SYDE1: variants seen among roughly 807,000 people sequenced by gnomAD.
The protein encoded by SYDE1 is synapse defective Rho GTPase activating protein 1.
Under a neutral mutation model 63.3 loss-of-function variants are expected in SYDE1, and 34 were observed. The ratio of observed to expected loss-of-function variants is 0.54; its 90% CI spans 0.41 to 0.71. SYDE1 has a LOEUF of 0.71. Among genes scored for constraint, SYDE1 ranks in the 30% least tolerant of loss-of-function variants. The pLI, the probability that SYDE1 is intolerant of heterozygous loss-of-function variation, is 0.00. For missense variants in SYDE1, 925 were observed against 1,042.5 expected, an observed-to-expected ratio of 0.89 and a Z score of 1.55; for synonymous variants, 467 against 473.4, an observed-to-expected ratio of 0.99 and a Z score of 0.18.
chr19:15,107,529 G>GAGAT lies in SYDE1; in HGVS notation c.88+9_88+12dup. ...CGGACGCCAAGGAGCGCGGTAAGCG[G>GAGAT]AGATCGGTGGGGAACAGGGGGCGCC... is the stretch of plus-strand genomic sequence containing the variant. On this transcript the variant is annotated intron_variant, in intron 1 of 7. Coordinates refer to ENST00000342784, the MANE Select transcript of SYDE1 (RefSeq NM_033025.6). The GAGAT allele has an allele frequency of 6.5e-7, 1 of 1,538,302 alleles. No individual in the cohort carries two copies. The highest frequency in any genetic ancestry group is 8.8e-7 in the Non-Finnish European group (1 of 1,138,426).
In SYDE1 at chr19:15,114,641, A is replaced by T. The variant is rs2046373009; in HGVS notation, c.*678A>T. 3.4e-5 allele frequency: 1 copy of T among 29,776 alleles called. No homozygotes were observed. Among genetic ancestry groups the T allele is most frequent in the Non-Finnish European group, 9.2e-5 (1 of 10,822 alleles). The allele number at this position is 29,776 out of a possible 1,614,324, so 1.8% of individuals were successfully genotyped here. A position where few individuals can be genotyped will look rare whatever the true frequency, so the allele number is the denominator to read the frequency against. ...GCCCCCCCCTTGCCCCCCCCCCCGA[A>T]AAAAATTGAGCACTTAAACCCCTCC... On this transcript the variant is annotated 3_prime_UTR_variant, in exon 8 of 8. Transcript: ENST00000342784.
intron 7 of SYDE1, among the ~76,000 whole-genome samples, chr19:15,113,258 T>C (rs779763265): frequency 1.5e-4 from 23 of 152,152 alleles, no homozygotes; most frequent in Admixed American, 1.0e-3. Flanking sequence ...CAGGCTGGTC[T>C]TGAACTCCTG....
Position 15,112,572 on chromosome 19 carries a change from G to A in SYDE1, c.1804+1G>A. Reference sequence around the variant, plus strand: ...CACTACCTGCTGCAGTCTTGGCCAGGTGAGTTCATGCCCAGGGCCTGCACC... The same window carrying A: ...CACTACCTGCTGCAGTCTTGGCCAGATGAGTTCATGCCCAGGGCCTGCACC... On this transcript the variant is annotated splice_donor_variant, in intron 7 of 7. Coordinates refer to ENST00000342784, the MANE Select transcript of SYDE1 (RefSeq NM_033025.6). LOFTEE classifies it high-confidence loss of function. The A allele has an allele frequency of 1.3e-6, 2 of 1,564,430 alleles. No homozygotes were observed. Among genetic ancestry groups the A allele is most frequent in the Non-Finnish European group, 1.7e-6 (2 of 1,152,532 alleles).
At chr19:15,107,624 C>A in intron 1 of SYDE1, 103 bp downstream of exon 1, 1 of 688,696 alleles carries the variant, frequency 1.5e-6, no homozygotes, top group Non-Finnish European at 2.3e-6. Flanking sequence ...TCAGGGGGAG[C>A]CCCCCGCACC....
rs2046323968 is a variant in SYDE1, at chr19:15,109,093, G to C, written c.126G>C (p.Glu42Asp). ...PAQRPEPSPP[E>D]PEPQAPEGSQ... ...AGCGCCCAGAGCCCAGCCCTCCAGA[G>C]CCAGAGCCCCAGGCTCCCGAAGGGT... Residue 42 changes from glutamate (E) to aspartate (D), a missense_variant, in exon 2 of 8, where the codon GAG (glutamate) becomes GAC (aspartate). Physicochemically the swap from Glu to Asp is conservative, Grantham distance 45 (BLOSUM62 2). Transcript: ENST00000342784. The surrounding 1 kb of genome is among the most constrained non-coding windows in gnomAD (Gnocchi z 5.0). The C allele has an allele frequency of 1.3e-6, 2 of 1,532,934 alleles. No individual in the cohort carries two copies. Among genetic ancestry groups the C allele is most frequent in the Admixed American group, 4.2e-5 (2 of 47,806 alleles). The allele number at this position is 1,532,934 out of a possible 1,614,324, so 95.0% of individuals were successfully genotyped here. A position where few individuals can be genotyped will look rare whatever the true frequency, so the allele number is the denominator to read the frequency against.
In SYDE1 at chr19:15,107,502, G is replaced by T; in HGVS notation, c.69G>T (p.Lys23Asn). 1 of 1,546,208 alleles carries T rather than the reference G, an allele frequency of 6.5e-7. No homozygotes were observed. The highest frequency in any genetic ancestry group is 8.7e-7 in the Non-Finnish European group (1 of 1,143,492). Residue 23 changes from lysine to asparagine, a missense_variant, in exon 1 of 8, where the codon AAG becomes AAT. Lys to Asn is a moderately conservative substitution (Grantham distance 94, BLOSUM62 0). Transcript: ENST00000342784. ...LRGREKLPRK[K>N]SDAKERGHPA... ...GCCGGGAGAAACTTCCCCGGAAAAA[G>T]TCGGACGCCAAGGAGCGCGGTAAGC...
rs1199469110 is a variant in SYDE1, at chr19:15,109,024, G to A, written c.89-32G>A. The stretch of plus-strand genomic sequence containing the variant: ...GCTGCTCTGCAGGCAGTGAGGGGCT[G>A]GGTGGGTCTCACTCCCCTTGCTCTC... On this transcript the variant is annotated intron_variant, in intron 1 of 7. Coordinates refer to ENST00000342784, the MANE Select transcript of SYDE1 (RefSeq NM_033025.6). This position sits in a 1 kb window ranked among gnomAD's most constrained non-coding sequence, Gnocchi z 5.0. 19 of 1,453,942 alleles carry A rather than the reference G, an allele frequency of 1.3e-5. No homozygotes were observed. The highest frequency in any genetic ancestry group is 8.1e-6 in the Non-Finnish European group (9 of 1,109,256). The allele number at this position is 1,453,942 out of a possible 1,614,324, so 90.1% of individuals were successfully genotyped here. A position where few individuals can be genotyped will look rare whatever the true frequency, so the allele number is the denominator to read the frequency against.
rs1178127397 is a variant in SYDE1, at chr19:15,112,471, C to A, written c.1704C>A (p.Pro568=). The A allele has an allele frequency of 1.9e-6, 3 of 1,606,198 alleles. No individual in the cohort carries two copies. Among genetic ancestry groups the A allele is most frequent in the Non-Finnish European group, 2.5e-6 (3 of 1,176,840 alleles). The change falls in exon 7 of 8, where the codon CCC becomes CCA. Residue 568 remains proline, a synonymous_variant. Transcript: ENST00000342784. ...GPVLLPARQA[P]TRPRARSSGP... is the part of the protein sequence containing the mutation. ...TGCTGCTGCCGGCACGCCAGGCGCC[C>A]ACAAGGCCTCGTGCCCGCAGCTCCG...
In SYDE1 at chr19:15,109,775, A is replaced by T. The variant is rs1051327798; in HGVS notation, c.502A>T (p.Ile168Leu). Residue 168 changes from isoleucine to leucine, a missense_variant, in exon 3 of 8, where the codon ATA becomes TTA. By Grantham distance (5) the Ile-to-Leu change is conservative. Coordinates refer to ENST00000342784, the MANE Select transcript of SYDE1 (RefSeq NM_033025.6). This position sits in a 1 kb window ranked among gnomAD's most constrained non-coding sequence, Gnocchi z 5.0. ...CCCGGGCCCCGCCAGGCGCCTCTCC[A>T]TAAAGATGAAGAAGCTGCCGGAACT... ...KSPGPARRLSIKMKKLPELRR... is the reference protein window; with the variant it reads ...KSPGPARRLSLKMKKLPELRR... The T allele has an allele frequency of 4.5e-6, 7 of 1,539,962 alleles. No homozygotes were observed. Among genetic ancestry groups the T allele is most frequent in the Middle Eastern group, 1.8e-4 (1 of 5,456 alleles).
Position 15,109,903 on chromosome 19 carries a change from G to T in SYDE1, c.630G>T (p.Val210=), listed in dbSNP as rs1254820812. The change falls in exon 3 of 8, where the codon GTG becomes GTT. Residue 210 remains valine (V), a synonymous_variant. Transcript: ENST00000342784. The surrounding 1 kb of genome is among the most constrained non-coding windows in gnomAD (Gnocchi z 5.0). ...GCCGCTACCACCTGGACAGCAGCGT[G>T]GGGGGCCCCGGGCCGGCAGCAGGGC... ...VISRYHLDSS[V]GGPGPAAGPG... The T allele has an allele frequency of 6.8e-7, 1 of 1,474,306 alleles. No individual in the cohort carries two copies. Among genetic ancestry groups the T allele is most frequent in the South Asian group, 1.3e-5 (1 of 76,742 alleles). The allele number at this position is 1,474,306 out of a possible 1,614,324, so 91.3% of individuals were successfully genotyped here.
rs1452359181 is a variant in SYDE1 at position 15,109,845 on chromosome 19, G to C, written c.572G>C (p.Arg191Pro). The change falls in exon 3 of 8, where the codon CGC becomes CCC. Residue 191 changes from arginine to proline, a missense_variant. By Grantham distance (103) the Arg-to-Pro change is moderately radical. This residue lies in a region of SYDE1 where 599 missense variants were observed against 653.7 expected (regional missense o/e 0.92). Transcript: ENST00000342784. This position sits in a 1 kb window ranked among gnomAD's most constrained non-coding sequence, Gnocchi z 5.0. ...CGAGGCCCCCGGGCTGGCAGGGAGCGCGAGAGGGCTGCCCCTGCGGGCTCC... is the reference window on the plus strand; with the variant it reads ...CGAGGCCCCCGGGCTGGCAGGGAGCCCGAGAGGGCTGCCCCTGCGGGCTCC... Reference protein sequence around the residue: ...SLRGPRAGRERERAAPAGSVI... With the variant: ...SLRGPRAGREPERAAPAGSVI... 3 of 1,531,676 alleles carry C rather than the reference G, an allele frequency of 2.0e-6. No homozygotes were observed. Among genetic ancestry groups the C allele is most frequent in the Admixed American group, 2.0e-5 (1 of 50,792 alleles). 94.9% of individuals were successfully genotyped at this position (1,531,676 alleles called of 1,614,324 possible).
rs753400336 is a variant in SYDE1, at chr19:15,113,745, CCCTGTGGGCGGGATTTCCTGT to C, written c.1993_2013del (p.Cys665_Ser671del). 2 of 1,613,712 alleles carry C rather than the reference CCCTGTGGGCGGGATTTCCTGT, an allele frequency of 1.2e-6. No individual in the cohort carries two copies. The highest frequency in any genetic ancestry group is 3.3e-4 in the Middle Eastern group (2 of 6,084). On this transcript the variant is annotated inframe_deletion, in exon 8 of 8. Coordinates refer to ENST00000342784, the MANE Select transcript of SYDE1 (RefSeq NM_033025.6). ...GAGCGTTTGCGGGCGGGACTTCCTG[CCCTGTGGGCGGGATTTCCTGT>C]CCGGGCCAGACTACGACCACGTGAC... is the stretch of plus-strand genomic sequence containing the variant.
In SYDE1 at chr19:15,110,240, C is replaced by G; in HGVS notation, c.967C>G (p.Leu323Val). The G allele has an allele frequency of 7.1e-7, 1 of 1,414,570 alleles. No homozygotes were observed. The allele number at this position is 1,414,570 out of a possible 1,614,324, so 87.6% of individuals were successfully genotyped here. ...LRLDHTFHLE[L>V]EAARLLRALV... The stretch of plus-strand genomic sequence containing the variant: ...GCTGGACCACACCTTCCACCTGGAG[C>G]TGGAGGCCGCCAGGCTCCTGCGCGC... Residue 323 changes from leucine (L) to valine (V), a missense_variant, in exon 3 of 8, where the codon CTG (leucine) becomes GTG (valine). Transcript: ENST00000342784. The surrounding 1 kb of genome is among the most constrained non-coding windows in gnomAD (Gnocchi z 6.9).
chr19:15,111,913 T>C lies in SYDE1; in HGVS notation c.1578+121T>C, dbSNP rs1264016528. On this transcript the variant is annotated intron_variant, in intron 6 of 7. Coordinates refer to ENST00000342784, the MANE Select transcript of SYDE1 (RefSeq NM_033025.6). The surrounding 1 kb of genome is among the most constrained non-coding windows in gnomAD (Gnocchi z 5.5). ...GCAGCATCATCATATCCCCAAGAAA[T>C]AGGTGCTATTAGCATCCCACTTCAT... 2 of 988,228 alleles carry C rather than the reference T, an allele frequency of 2.0e-6. No individual in the cohort carries two copies. Among genetic ancestry groups the C allele is most frequent in the African/African-American group, 1.6e-5 (1 of 60,856 alleles). 61.2% of individuals were successfully genotyped at this position (988,228 alleles called of 1,614,324 possible).
chr19:15,107,541 G>T lies in SYDE1; in HGVS notation c.88+20G>T. 1 of 1,529,914 alleles carries T rather than the reference G, an allele frequency of 6.5e-7. No homozygotes were observed. Among genetic ancestry groups the T allele is most frequent in the Non-Finnish European group, 8.8e-7 (1 of 1,132,442 alleles). The allele number at this position is 1,529,914 out of a possible 1,614,324, so 94.8% of individuals were successfully genotyped here. On this transcript the variant is annotated intron_variant, in intron 1 of 7. Transcript: ENST00000342784. ...AGCGCGGTAAGCGGAGATCGGTGGG[G>T]AACAGGGGGCGCCGAGCCCCACCCG...
rs556526168 is a variant in SYDE1 at position 15,112,377 on chromosome 19, G to A, written c.1610G>A (p.Arg537His). The A allele has an allele frequency of 3.1e-5, 49 of 1,584,764 alleles. No homozygotes were observed. The highest frequency in any genetic ancestry group is 1.7e-4 in the Middle Eastern group (1 of 6,028). ...CTGACGCTTCTCCTGGACCACCTGC[G>A]CCTCGTCTCCTCCTTCCATGCCTAC... The part of the protein sequence containing the change: ...ATLTLLLDHL[R>H]LVSSFHAYNR... Residue 537 changes from arginine to histidine, a missense_variant, in exon 7 of 8, where the codon CGC (arginine) becomes CAC (histidine). Physicochemically the swap from Arg to His is conservative, Grantham distance 29. Coordinates refer to ENST00000342784, the MANE Select transcript of SYDE1 (RefSeq NM_033025.6).
chr19:15,109,240 T>A lies in SYDE1; in HGVS notation c.273T>A (p.Ala91=). The A allele has an allele frequency of 6.3e-7, 1 of 1,594,554 alleles. No homozygotes were observed. The highest frequency in any genetic ancestry group is 8.5e-7 in the Non-Finnish European group (1 of 1,170,764). ...GGGTGCTGGGTGGGGCCAAGCCAGC[T>A]GAGGACACCTCTTTAGGGCCTGGGG... The part of the protein sequence containing the change: ...RRWVLGGAKP[A]EDTSLGPGVP... Residue 91 remains alanine (A), a synonymous_variant, in exon 2 of 8, where the codon GCT becomes GCA. Coordinates refer to ENST00000342784, the MANE Select transcript of SYDE1 (RefSeq NM_033025.6). This position sits in a 1 kb window ranked among gnomAD's most constrained non-coding sequence, Gnocchi z 5.0.
In SYDE1 at chr19:15,114,221, A is replaced by G. The variant is rs2046367752; in HGVS notation, c.*258A>G. 1 of 480,498 alleles carries G rather than the reference A, an allele frequency of 2.1e-6. No homozygotes were observed. The allele number at this position is 480,498 out of a possible 1,614,324, so 29.8% of individuals were successfully genotyped here. A position where few individuals can be genotyped will look rare whatever the true frequency, so the allele number is the denominator to read the frequency against. On this transcript the variant is annotated 3_prime_UTR_variant, in exon 8 of 8. Coordinates refer to ENST00000342784, the MANE Select transcript of SYDE1 (RefSeq NM_033025.6). The stretch of plus-strand genomic sequence containing the variant: ...TTGTGACCATCTTTCCTGAGCACCA[A>G]GGGCTTCCCCTTTTGTTGCCAAAAA...
chr19:15,109,527 G>A lies in SYDE1; in HGVS notation c.430+130G>A, dbSNP rs1046226142. ...CAACCTCACACTCCTTCCCTTCAGG[G>A]GAGCACCAGCCTCACATCCCCACCC... On this transcript the variant is annotated intron_variant, in intron 2 of 7. Transcript: ENST00000342784. This position sits in a 1 kb window ranked among gnomAD's most constrained non-coding sequence, Gnocchi z 5.0. The A allele has an allele frequency of 2.1e-5, 25 of 1,185,928 alleles. No homozygotes were observed. The highest frequency in any genetic ancestry group is 2.8e-5 in the Non-Finnish European group (24 of 866,404). The allele number at this position is 1,185,928 out of a possible 1,614,324, so 73.5% of individuals were successfully genotyped here.
Sources: allele counts gnomAD v4.1 joint callset (sites outside exome capture counted in the v4.1 genomes callset), GRCh38; gene constraint gnomAD v4.1.1; regional missense constraint gnomAD v4.1.1; non-coding constraint Gnocchi (gnomAD v3.1); transcripts MANE v1.5; gene names NCBI Gene and HGNC (gene_info 2026-07-23, HGNC 2026-07-21).